Variants in CNTN5 observed in about 807,000 individuals in gnomAD.
The protein encoded by CNTN5 is contactin 5, also known as contactin-5.
CNTN5 carries 77 observed loss-of-function variants against 129.1 expected under a neutral mutation model. The observed-to-expected ratio is 0.60, with a 90% confidence interval of 0.50 to 0.72. The LOEUF (loss-of-function observed/expected upper bound fraction) is 0.72. Ranked by LOEUF, CNTN5 falls within the 30% of genes least tolerant of loss-of-function variation. The pLI is 0.00. For synonymous variants in CNTN5, 509 were observed against 465.6 expected (o/e 1.09, Z -1.20); for missense variants, 1,478 against 1,328.8 (o/e 1.11, Z -1.75).
intron 3 of CNTN5, among the ~76,000 whole-genome samples, chr11:99,785,474 C>T (rs1002961460): frequency 4.6e-5 from 7 of 151,976 alleles, no homozygotes; most frequent in African/African-American, 1.7e-4. Context: ...AAGTCTTTGC[C>T]CATGCGTATG....
intron 1 of CNTN5, among the ~76,000 whole-genome samples, chr11:99,155,722 C>A (rs887061765): frequency 6.6e-6 from 1 of 151,558 alleles, no homozygotes; most frequent in Admixed American, 6.6e-5. Context: ...ACTACTTGCC[C>A]TACAAAGTCA....
chr11:100,129,347 T>A (rs1338633675), intron 13 of CNTN5, among the ~76,000 whole-genome samples: 1 of 152,170 alleles, frequency 6.6e-6, no homozygotes, highest in African/African-American at 2.4e-5. Context: ...TTTGTCTTAA[T>A]CTTGACCAAT....
intron 2 of CNTN5, among the ~76,000 whole-genome samples, chr11:99,347,904 CGATCAAGGTGT>C (rs1246621606): frequency 6.6e-6 from 1 of 152,060 alleles, no homozygotes; most frequent in Non-Finnish European, 1.5e-5. Context: ...TTTAAAAATA[CGATCAAGGTGT>C]AAAGTTTGTT....
intron 9 of CNTN5, among the ~76,000 whole-genome samples, chr11:100,045,204 T>G (rs542381737): frequency 2.6e-5 from 4 of 152,068 alleles, no homozygotes; most frequent in Non-Finnish European, 4.4e-5. Flanking sequence ...TCCAGCCAAG[T>G]AAATAAAGTA....
At chr11:99,489,988 A>G (rs1278001214) in intron 2 of CNTN5, among the ~76,000 whole-genome samples, 1 of 152,210 alleles carries the variant, frequency 6.6e-6, no homozygotes, top group Non-Finnish European at 1.5e-5. Context: ...ACATCCATTT[A>G]ACTCTTTTAT....
At chr11:99,721,465 C>T (rs1943170606) in intron 3 of CNTN5, among the ~76,000 whole-genome samples, 1 of 152,068 alleles carries the variant, frequency 6.6e-6, no homozygotes, top group African/African-American at 2.4e-5. Context: ...TTCCTTACAC[C>T]ATATACAGAA....
intron 13 of CNTN5, among the ~76,000 whole-genome samples, chr11:100,166,849 T>A (rs2138387824): frequency 6.6e-6 from 1 of 151,980 alleles, no homozygotes; most frequent in South Asian, 2.1e-4. Flanking sequence ...CTTGGATCAG[T>A]TATCTTAGTT....
intron 13 of CNTN5, among the ~76,000 whole-genome samples, chr11:100,187,889 G>C (rs67412163): frequency 0.11 from 16,116 of 152,140 alleles, 1,369 homozygotes; most frequent in African/African-American, 0.23. Context: ...GGACATTTGT[G>C]ACTAAGTCCT....
At chr11:99,080,980 G>GTTGTT in intron 1 of CNTN5, among the ~76,000 whole-genome samples, 1 of 112,436 alleles carries the variant, frequency 8.9e-6, no homozygotes, top group African/African-American at 3.3e-5. Flanking sequence ...TGAGAAATCA[G>GTTGTT]TTTTTTTTTT....
At chr11:99,284,169 A>G (rs1187216948) in intron 1 of CNTN5, among the ~76,000 whole-genome samples, 2 of 152,118 alleles carry the variant, frequency 1.3e-5, no homozygotes, top group Admixed American at 1.3e-4. Flanking sequence ...GTCTCATACT[A>G]GAGGTGTAAT....
chr11:100,105,316 T>G (rs552237150), intron 13 of CNTN5, among the ~76,000 whole-genome samples: 1 of 151,782 alleles, frequency 6.6e-6, no homozygotes, highest in East Asian at 2.0e-4. Context: ...TTAGCAGGTG[T>G]TTTTAAGAGA....
Position 99,721,532 on chromosome 11 carries a change from G to A in CNTN5, c.56-98012G>A, listed in dbSNP as rs543872424. ...TAAAACCCCAAGCTATAAAAACCCT[G>A]GAAGACAACCTAGGCAGTACCATCC... On this transcript the variant is annotated intron_variant, in intron 3 of 24. Coordinates refer to ENST00000524871, the MANE Select transcript of CNTN5 (RefSeq NM_014361.4). Among the ~76,000 whole-genome samples the A allele has an allele frequency of 8.5e-4, 129 of 152,096 alleles. 4 individuals are homozygous for A. The South Asian group carries it at 0.026, about 30-fold the overall frequency.
chr11:99,179,428 C>T (rs55728967), intron 1 of CNTN5, among the ~76,000 whole-genome samples: 6,800 of 151,724 alleles, frequency 0.045, 365 homozygotes, highest in African/African-American at 0.13. Context: ...AGCGATAAAG[C>T]GAGACTCCCT....
intron 8 of CNTN5, among the ~76,000 whole-genome samples, chr11:99,994,524 C>T (rs1939323625): frequency 1.3e-5 from 2 of 152,214 alleles, no homozygotes; most frequent in African/African-American, 4.8e-5. Flanking sequence ...TGACCTTCCA[C>T]TCCAACACCC....
intron 2 of CNTN5, among the ~76,000 whole-genome samples, chr11:99,495,016 G>A (rs573214645): frequency 6.6e-6 from 1 of 152,274 alleles, no homozygotes; most frequent in South Asian, 2.1e-4. Flanking sequence ...ACTAAAAAGT[G>A]TTGATACAGG....
At chr11:99,318,139 A>G (rs148685489) in intron 1 of CNTN5, among the ~76,000 whole-genome samples, 1 of 152,362 alleles carries the variant, frequency 6.6e-6, no homozygotes, top group East Asian at 1.9e-4. Context: ...TTACATGTAC[A>G]TTATAAGTAT....
intron 17 of CNTN5, among the ~76,000 whole-genome samples, chr11:100,266,680 G>C (rs1950310331): frequency 6.8e-6 from 1 of 147,816 alleles, no homozygotes; most frequent in African/African-American, 2.5e-5. Context: ...TGGTGGAAAG[G>C]ATATGGACTT....
intron 17 of CNTN5, among the ~76,000 whole-genome samples, chr11:100,261,792 T>A (rs548238088): frequency 3.6e-4 from 55 of 152,194 alleles, no homozygotes; most frequent in African/African-American, 1.3e-3. Flanking sequence ...TATACAAAAA[T>A]TAACTCAAGA....
chr11:99,369,073 A>T (rs760272389), intron 2 of CNTN5, among the ~76,000 whole-genome samples: 2 of 151,538 alleles, frequency 1.3e-5, no homozygotes, highest in Non-Finnish European at 2.9e-5. Flanking sequence ...AAGGAATGCT[A>T]TCCTGCTTGC....
Sources: allele counts gnomAD v4.1 joint callset (sites outside exome capture counted in the v4.1 genomes callset), GRCh38; gene constraint gnomAD v4.1.1; transcripts MANE v1.5; gene names NCBI Gene and HGNC (gene_info 2026-07-23, HGNC 2026-07-21).